DRAM2: variants seen among roughly 807,000 people sequenced by gnomAD.
DRAM2 encodes the protein DNA damage-regulated autophagy modulator protein 2.
DRAM2 carries 26 observed loss-of-function variants against 33.5 expected under a neutral mutation model. The ratio of observed to expected loss-of-function variants is 0.78; its 90% confidence interval spans 0.57 to 1.08. DRAM2 has a LOEUF of 1.08. Ranked by LOEUF, DRAM2 falls within the 50% of genes least tolerant of loss-of-function variation. The pLI, the probability that DRAM2 is intolerant of heterozygous loss-of-function variation, is 0.00. For synonymous variants in DRAM2, 98 were observed against 109.5 expected, an observed-to-expected ratio of 0.89 and a Z score of 0.66; for missense variants, 311 against 318.1, an observed-to-expected ratio of 0.98 and a Z score of 0.17.
At position 111,139,601 on chromosome 1, in the gene DRAM2, T is replaced by C. The variant is rs1424231862; in HGVS notation, c.-179A>G. ...GCTTCAACAAACCAGAGGAATTAAT[T>C]AGACCGCTGATTTTCTCCGGAAGCG... On this transcript the variant is annotated 5_prime_UTR_variant, in exon 2 of 10. Transcript: ENST00000484310. 2.0e-5 allele frequency: 3 copies of C among 152,236 alleles called. No individual in the cohort carries two copies. Among genetic ancestry groups the C allele is most frequent in the East Asian group, 1.9e-4 (1 of 5,200 alleles). 9.4% of individuals were successfully genotyped at this position (152,236 alleles called of 1,614,324 possible). A position where few individuals can be genotyped will look rare whatever the true frequency, so the allele number is the denominator to read the frequency against.
At position 111,117,967 on chromosome 1, in the gene DRAM2, GTCT is replaced by G. The variant is rs1407240695; in HGVS notation, c.*190_*192del. Reference sequence around the variant, plus strand: ...AGTATAGGCATAGGTGTTTTTAATAGTCTTCTTGATGATATCCTTTAGAATAAT... The same window carrying G: ...AGTATAGGCATAGGTGTTTTTAATAGTCTTGATGATATCCTTTAGAATAAT... On this transcript the variant is annotated 3_prime_UTR_variant, in exon 10 of 10. Transcript: ENST00000484310. The G allele has an allele frequency of 2.7e-5, 16 of 591,876 alleles. No homozygotes were observed. Among genetic ancestry groups the G allele is most frequent in the Middle Eastern group, 4.4e-4 (1 of 2,250 alleles). 36.7% of individuals were successfully genotyped at this position (591,876 alleles called of 1,614,324 possible). A position where few individuals can be genotyped will look rare whatever the true frequency, so the allele number is the denominator to read the frequency against.
chr1:111,126,655 C>T (rs974352408), intron 4 of DRAM2, among the ~76,000 whole-genome samples: 3 of 74,064 alleles, frequency 4.1e-5, no homozygotes, highest in African/African-American at 2.4e-4. Context: ...AGGCTTTTCA[C>T]AACTGCCTTT....
At position 111,139,519 on chromosome 1, in the gene DRAM2, A is replaced by G. The variant is rs557483184; in HGVS notation, c.-97T>C. ...AACTCACAACAGGAACGTGTACTCA[A>G]CAGGAACGTGTACTCAATTAGCTTT... On this transcript the variant is annotated 5_prime_UTR_variant, in exon 2 of 10. Transcript: ENST00000484310. 2.0e-5 allele frequency: 3 copies of G among 152,398 alleles called. No individual in the cohort carries two copies. In the South Asian group the frequency reaches 6.2e-4, roughly 32 times the overall value. 9.4% of individuals were successfully genotyped at this position (152,398 alleles called of 1,614,324 possible).
intron 5 of DRAM2, 47 bp downstream of exon 5, chr1:111,126,180 T>G: frequency 8.3e-7 from 1 of 1,205,248 alleles, no homozygotes; most frequent in Non-Finnish European, 1.2e-6. Context: ...AAGAAAATAC[T>G]GTAGCAATTT....
Position 111,120,647 on chromosome 1 carries a change from A to G in DRAM2, c.386T>C (p.Phe129Ser), listed in dbSNP as rs1387364883. The G allele has an allele frequency of 3.7e-6, 6 of 1,607,184 alleles. No homozygotes were observed. Among genetic ancestry groups the G allele is most frequent in the Non-Finnish European group, 5.1e-6 (6 of 1,176,390 alleles). The change falls in exon 7 of 10, where the codon TTT (phenylalanine) becomes TCT (serine). Residue 129 changes from phenylalanine (F) to serine (S), a missense_variant. By Grantham distance (155) the Phe-to-Ser change is radical. Coordinates refer to ENST00000484310, the MANE Select transcript of DRAM2 (RefSeq NM_001349884.2). ...AAACATATATAATGAGCCCATACCA[A>G]AGGTAAGCACAGCTCCACTTACATG... is the stretch of plus-strand genomic sequence containing the variant. Reference protein sequence around the residue: ...AAHVSGAVLTFGMGSLYMFVQ... With the variant: ...AAHVSGAVLTSGMGSLYMFVQ...
intron 2 of DRAM2, among the ~76,000 whole-genome samples, chr1:111,138,386 AAACC>A (rs1051654508): frequency 6.6e-6 from 1 of 152,260 alleles, no homozygotes; most frequent in Non-Finnish European, 1.5e-5. Context: ...AGTAATTGCC[AAACC>A]AACAAAATTA....
At chr1:111,118,651 C>A in intron 9 of DRAM2, 154 bp downstream of exon 9, 1 of 569,670 alleles carries the variant, frequency 1.8e-6, no homozygotes, top group Non-Finnish European at 3.1e-6. Flanking sequence ...AACAATTCAC[C>A]TGAAAAGTTA....
In DRAM2 at chr1:111,139,548, G is replaced by A. The variant is rs1557910175; in HGVS notation, c.-126C>T. 6.6e-6 allele frequency: 1 copy of A among 152,230 alleles called. No individual in the cohort carries two copies. The highest frequency in any genetic ancestry group is 1.5e-5 in the Non-Finnish European group (1 of 68,072). 9.4% of individuals were successfully genotyped at this position (152,230 alleles called of 1,614,324 possible). On this transcript the variant is annotated 5_prime_UTR_variant, in exon 2 of 10. Transcript: ENST00000484310. ...GAACGTGTACTCAATTAGCTTTTGTGGGAAAGGGTTGAAGATTCTTGGTAA... is the reference window on the plus strand; with the variant it reads ...GAACGTGTACTCAATTAGCTTTTGTAGGAAAGGGTTGAAGATTCTTGGTAA...
At chr1:111,121,666 A>T (rs1417858065) in intron 6 of DRAM2, among the ~76,000 whole-genome samples, 1 of 152,134 alleles carries the variant, frequency 6.6e-6, no homozygotes, top group Non-Finnish European at 1.5e-5. Flanking sequence ...TAGATTTTTC[A>T]AATACCATCT....
chr1:111,130,108 C>T (rs566393469), intron 4 of DRAM2, among the ~76,000 whole-genome samples: 1 of 152,264 alleles, frequency 6.6e-6, no homozygotes, highest in East Asian at 1.9e-4. Flanking sequence ...GGGTTATGAA[C>T]ATAGTATATG....
At chr1:111,123,396 T>A (rs1048984461) in intron 6 of DRAM2, among the ~76,000 whole-genome samples, 5 of 152,284 alleles carry the variant, frequency 3.3e-5, no homozygotes, top group African/African-American at 4.8e-5. Flanking sequence ...CAAACCCAGC[T>A]CAGGTTCCTC....
chr1:111,126,343 C>G (rs769675718), intron 4 of DRAM2, 49 bp from the exon 5 acceptor site: 2 of 1,077,974 alleles, frequency 1.9e-6, no homozygotes, highest in South Asian at 1.3e-5. Flanking sequence ...TAGATAAACA[C>G]ATATATTTCT....
At chr1:111,119,615 AT>A in intron 8 of DRAM2, 1 of 439,954 alleles carries the variant, frequency 2.3e-6, no homozygotes, top group East Asian at 4.0e-5. Context: ...CTATACCCAC[AT>A]TTAGGGGAGT....
In DRAM2 at chr1:111,126,239, C is replaced by T. The variant is rs144744730; in HGVS notation, c.187G>A (p.Ala63Thr). The T allele has an allele frequency of 2.5e-6, 4 of 1,609,334 alleles. No individual in the cohort carries two copies. Among genetic ancestry groups the T allele is most frequent in the Non-Finnish European group, 3.4e-6 (4 of 1,177,130 alleles). The change falls in exon 5 of 10, where the codon GCG becomes ACG. Residue 63 changes from alanine (A) to threonine (T), a missense_variant. Coordinates refer to ENST00000484310, the MANE Select transcript of DRAM2 (RefSeq NM_001349884.2). ...KCLFGAMLNIAAVLCIATIYV... is the reference protein window; with the variant it reads ...KCLFGAMLNITAVLCIATIYV... ...TTTCATTACTTACATAAAACTGCCG[C>T]AATATTTAGCATTGCCCCAAATAAG...
intron 2 of DRAM2, among the ~76,000 whole-genome samples, chr1:111,138,827 T>A (rs1379024497): frequency 6.6e-6 from 1 of 152,236 alleles, no homozygotes; most frequent in Non-Finnish European, 1.5e-5. Context: ...CTAACCTATC[T>A]TCTCTGCTCT....
At chr1:111,121,178 G>A (rs1004400826) in intron 6 of DRAM2, among the ~76,000 whole-genome samples, 5 of 152,072 alleles carry the variant, frequency 3.3e-5, no homozygotes, top group Non-Finnish European at 7.4e-5. Context: ...GGACTGCAGT[G>A]CTGGGAATAG....
rs1482530167 is a variant in DRAM2, at chr1:111,136,584, C to CAAAAACAA, written c.-15+931_-15+938dup. Among the ~76,000 whole-genome samples the CAAAAACAA allele has an allele frequency of 2.7e-5, 4 of 147,130 alleles. No homozygotes were observed. The East Asian group carries it at 8.1e-4, about 30-fold the overall frequency. On this transcript the variant is annotated intron_variant, in intron 3 of 9. Coordinates refer to ENST00000484310, the MANE Select transcript of DRAM2 (RefSeq NM_001349884.2). ...TGGGCAACAGAGCAAGACTCCATCT[C>CAAAAACAA]AAAAACAAAAAAACAAAAAAAAACA...
intron 3 of DRAM2, among the ~76,000 whole-genome samples, chr1:111,133,424 T>C (rs1389874667): frequency 1.3e-5 from 2 of 152,164 alleles, no homozygotes; most frequent in East Asian, 3.9e-4. Flanking sequence ...GTGATCCACC[T>C]GCCTTGGCCT....
At chr1:111,118,329 A>G in intron 9 of DRAM2, 62 bp from the exon 10 acceptor site, 2 of 1,070,806 alleles carry the variant, frequency 1.9e-6, no homozygotes, top group Non-Finnish European at 2.8e-6. Context: ...CACTCCTTCA[A>G]TATGTTCTAT....
Sources: allele counts gnomAD v4.1 joint callset (sites outside exome capture counted in the v4.1 genomes callset), GRCh38; gene constraint gnomAD v4.1.1; transcripts MANE v1.5; gene names NCBI Gene and HGNC (gene_info 2026-07-23, HGNC 2026-07-21).